The following ARIH1 variants were observed in gnomAD, a reference collection of about 807,000 sequenced individuals.
The protein encoded by ARIH1 is E3 ubiquitin-protein ligase ARIH1.
ARIH1 carries 8 observed loss-of-function variants against 85.0 expected under a neutral mutation model. That is an observed-to-expected ratio of 0.09 (90% CI 0.06 to 0.17). ARIH1 has a LOEUF of 0.17. Among genes scored for constraint, ARIH1 ranks in the 10% least tolerant of loss-of-function variants. ARIH1 has a pLI of 1.00. For missense variants in ARIH1, 311 were observed against 718.1 expected (o/e 0.43, Z 6.48); for synonymous variants, 238 against 253.6 (o/e 0.94, Z 0.59).
chr15:72,491,244 C>T (rs530755166), intron 1 of ARIH1, among the ~76,000 whole-genome samples: 164 of 152,238 alleles, frequency 1.1e-3, no homozygotes, highest in South Asian at 3.3e-3. Flanking sequence ...TAATCACATT[C>T]CCTGTGGAAA....
At position 72,572,174 on chromosome 15, in the gene ARIH1, A is replaced by T. The variant is rs184394659; in HGVS notation, c.1215+9A>T. On this transcript the variant is annotated intron_variant, in intron 11 of 13. Coordinates refer to ENST00000379887, the MANE Select transcript of ARIH1 (RefSeq NM_005744.5). ...CAAGAGATGCACAGGAGGTAAGTAT[A>T]TGTATAACAGGACAATAGTTGACTA... 1 of 1,581,546 alleles carries T rather than the reference A, an allele frequency of 6.3e-7. No individual in the cohort carries two copies. The highest frequency in any genetic ancestry group is 1.7e-5 in the Admixed American group (1 of 59,610).
intron 9 of ARIH1, among the ~76,000 whole-genome samples, chr15:72,569,580 C>A (rs1159048883): frequency 1.3e-5 from 2 of 152,032 alleles, no homozygotes; most frequent in Non-Finnish European, 2.9e-5. Flanking sequence ...TTAGTTTATT[C>A]ATCTGACAAA....
intron 10 of ARIH1, among the ~76,000 whole-genome samples, chr15:72,570,747 CT>C (rs2140435811): frequency 6.6e-6 from 1 of 152,256 alleles, no homozygotes; most frequent in Non-Finnish European, 1.5e-5. Flanking sequence ...GCTTTAAAGC[CT>C]TGCTAAAAGG....
chr15:72,541,331 A>G (rs2064106558), intron 2 of ARIH1, among the ~76,000 whole-genome samples: 1 of 152,218 alleles, frequency 6.6e-6, no homozygotes, highest in South Asian at 2.1e-4. Context: ...GAAATACCTG[A>G]GAATAAAGTT....
At position 72,594,773 on chromosome 15, in the gene ARIH1, A is replaced by G. The variant is rs1235668948; in HGVS notation, c.*11481A>G. The G allele has an allele frequency of 7.4e-6, 1 of 134,970 alleles. No individual in the cohort carries two copies. Among genetic ancestry groups the G allele is most frequent in the Non-Finnish European group, 1.5e-5 (1 of 65,426 alleles). The allele number at this position is 134,970 out of a possible 1,614,324, so 8.4% of individuals were successfully genotyped here. On this transcript the variant is annotated 3_prime_UTR_variant, in exon 14 of 14. Transcript: ENST00000379887. ...TACACAACAGTGTAGTCTGCAAATA[A>G]TGTTTTTACTTCTTTTTCTGATTTT...
At chr15:72,506,293 T>C (rs1289958743) in intron 1 of ARIH1, among the ~76,000 whole-genome samples, 5 of 130,894 alleles carry the variant, frequency 3.8e-5, no homozygotes, top group Non-Finnish European at 7.8e-5. Flanking sequence ...GAGCTTGCAA[T>C]GAGGCGAGAT....
intron 1 of ARIH1, among the ~76,000 whole-genome samples, chr15:72,497,856 A>G (rs768151188): frequency 6.6e-6 from 1 of 152,202 alleles, no homozygotes; most frequent in East Asian, 1.9e-4. Flanking sequence ...AGATCTTACC[A>G]CAGCCTAAAT....
At chr15:72,549,212 C>T (rs1446905427) in intron 3 of ARIH1, among the ~76,000 whole-genome samples, 9 of 151,798 alleles carry the variant, frequency 5.9e-5, no homozygotes, top group East Asian at 1.9e-4. Flanking sequence ...CTCAGCCTCC[C>T]GAGTAGCTGG....
At chr15:72,514,645 A>G (rs1368285346) in intron 1 of ARIH1, among the ~76,000 whole-genome samples, 1 of 152,086 alleles carries the variant, frequency 6.6e-6, no homozygotes, top group African/African-American at 2.4e-5. Context: ...TTGAGGCTGC[A>G]GCAAGCTGAG....
intron 7 of ARIH1, among the ~76,000 whole-genome samples, chr15:72,565,663 A>T (rs1334182008): frequency 6.6e-6 from 1 of 152,166 alleles, no homozygotes; most frequent in African/African-American, 2.4e-5. Flanking sequence ...TTTCAAACAT[A>T]AAAGTATAGA....
chr15:72,531,255 T>TTTTA (rs369243037), intron 2 of ARIH1, among the ~76,000 whole-genome samples: 2,902 of 151,820 alleles, frequency 0.019, 74 homozygotes, highest in Admixed American at 0.06. Context: ...AAATCCACAT[T>TTTTA]TTTATTTATT....
intron 1 of ARIH1, among the ~76,000 whole-genome samples, chr15:72,486,665 C>CT (rs58018323): frequency 1.9e-3 from 166 of 88,204 alleles, no homozygotes; most frequent in Admixed American, 2.8e-3. Flanking sequence ...CAGAGCCCTA[C>CT]TTTTTTTTTT....
intron 2 of ARIH1, among the ~76,000 whole-genome samples, chr15:72,522,622 G>C (rs1350483341): frequency 6.6e-6 from 1 of 151,984 alleles, no homozygotes; most frequent in Non-Finnish European, 1.5e-5. Context: ...AAGTAGAAAA[G>C]GTATTTAAGA....
intron 11 of ARIH1, among the ~76,000 whole-genome samples, chr15:72,574,209 C>G (rs147231374): frequency 2.2e-4 from 33 of 152,266 alleles, no homozygotes; most frequent in African/African-American, 7.9e-4. Context: ...GAGCCAGAGT[C>G]TAATGTTTAG....
At chr15:72,536,983 G>A (rs1429450021) in intron 2 of ARIH1, among the ~76,000 whole-genome samples, 1 of 151,996 alleles carries the variant, frequency 6.6e-6, no homozygotes, top group Non-Finnish European at 1.5e-5. Flanking sequence ...TGAGCAGTAT[G>A]TATATTTAGC....
At chr15:72,515,796 C>CAT (rs933111716) in intron 1 of ARIH1, among the ~76,000 whole-genome samples, 5 of 152,050 alleles carry the variant, frequency 3.3e-5, no homozygotes, top group South Asian at 2.1e-4. Flanking sequence ...GGATCTGTTC[C>CAT]ATATATATAT....
intron 11 of ARIH1, among the ~76,000 whole-genome samples, chr15:72,578,806 G>GT (rs1348132522): frequency 5.3e-5 from 6 of 114,056 alleles, no homozygotes; most frequent in Non-Finnish European, 9.4e-5. Flanking sequence ...GCTTTTTTTT[G>GT]TTTTTTGGTG....
chr15:72,560,266 G>A (rs1416948890), intron 5 of ARIH1, among the ~76,000 whole-genome samples: 1 of 152,128 alleles, frequency 6.6e-6, no homozygotes, highest in Non-Finnish European at 1.5e-5. Context: ...TTTCTATAAA[G>A]TAGATGTTTA....
At chr15:72,579,498 A>G (rs1567361492) in intron 11 of ARIH1, among the ~76,000 whole-genome samples, 2 of 152,216 alleles carry the variant, frequency 1.3e-5, no homozygotes, top group Non-Finnish European at 2.9e-5. Context: ...CTTGTTTTAC[A>G]TCTTGTGGCA....
Sources: gnomAD v4.1 joint callset for allele counts (sites outside exome capture counted in the v4.1 genomes callset) on GRCh38, gnomAD v4.1.1 for gene constraint, MANE v1.5 for transcripts, NCBI Gene and HGNC (gene_info 2026-07-23, HGNC 2026-07-21) for gene names.